Variants in MSI2 observed in about 807,000 individuals in gnomAD.
MSI2 encodes musashi RNA binding protein 2.
In MSI2, 17 loss-of-function variants were observed where a neutral mutation model predicts 45.6. That is an observed-to-expected ratio of 0.37 (90% CI 0.26 to 0.56). MSI2 has a LOEUF of 0.56. Among genes scored for constraint, MSI2 ranks in the 20% least tolerant of loss-of-function variants. The pLI, the probability that MSI2 is intolerant of heterozygous loss-of-function variation, is 0.77. For synonymous variants in MSI2, 156 were observed against 158.2 expected, an observed-to-expected ratio of 0.99 and a Z score of 0.11; for missense variants, 293 against 444.2, an observed-to-expected ratio of 0.66 and a Z score of 3.06.
chr17:57,345,454 T>G (rs1472431297), intron 5 of MSI2, among the ~76,000 whole-genome samples: 1 of 152,228 alleles, frequency 6.6e-6, no homozygotes, highest in East Asian at 1.9e-4. Context: ...TAAACAGATA[T>G]ATGTATATTT....
intron 10 of MSI2, chr17:57,629,993 G>T (rs191604676): frequency 1.1e-3 from 161 of 152,414 alleles, no homozygotes; most frequent in African/African-American, 3.7e-3. Context: ...CTCATCAGAG[G>T]GCCTGCCCCG....
downstream of MSI2, among the ~76,000 whole-genome samples, chr17:57,684,909 A>G (rs2144777399): frequency 2.0e-5 from 3 of 152,322 alleles, no homozygotes; most frequent in South Asian, 6.2e-4. Context: ...AAGATGGAAG[A>G]GCAGACGGGA....
At chr17:57,567,012 C>T (rs962273119) in intron 7 of MSI2, among the ~76,000 whole-genome samples, 3 of 152,146 alleles carry the variant, frequency 2.0e-5, no homozygotes, top group South Asian at 2.1e-4. Flanking sequence ...TGATGTTTCT[C>T]CAAGGATGCT....
chr17:57,587,474 T>A (rs1393733981), intron 7 of MSI2, among the ~76,000 whole-genome samples: 1 of 152,170 alleles, frequency 6.6e-6, no homozygotes, highest in Non-Finnish European at 1.5e-5. Flanking sequence ...TGCAGTTCCA[T>A]GGAACTAGAT....
intron 7 of MSI2, among the ~76,000 whole-genome samples, chr17:57,549,425 C>A (rs943982517): frequency 5.4e-5 from 8 of 149,226 alleles, no homozygotes; most frequent in African/African-American, 1.7e-4. Context: ...ATACTGTTTT[C>A]CTTCCATTTC....
At chr17:57,554,699 G>T (rs1598395876) in intron 7 of MSI2, among the ~76,000 whole-genome samples, 1 of 152,224 alleles carries the variant, frequency 6.6e-6, no homozygotes, top group African/African-American at 2.4e-5. Flanking sequence ...GGCTGACCCT[G>T]TGTGGTGTAG....
intron 6 of MSI2, among the ~76,000 whole-genome samples, chr17:57,526,626 GT>G (rs1310495917): frequency 6.6e-6 from 1 of 151,932 alleles, no homozygotes; most frequent in Non-Finnish European, 1.5e-5. Context: ...AATTCTTCTA[GT>G]TTCAGCTCTT....
At chr17:57,425,130 C>T (rs1013602434) in intron 6 of MSI2, among the ~76,000 whole-genome samples, 5 of 152,066 alleles carry the variant, frequency 3.3e-5, no homozygotes, top group Admixed American at 1.3e-4. Context: ...TAATCCTGCC[C>T]GGTATCCTGA....
In MSI2 at chr17:57,652,586, C is replaced by G. The variant is rs933315561; in HGVS notation, c.790+425C>G. ...GGCTGTCCCCTGGGACCCTGCTGCA[C>G]TGGTAGGTGGGCTTGCTGGTCTGGC... On this transcript the variant is annotated intron_variant, in intron 11 of 13. Coordinates refer to ENST00000284073, the MANE Select transcript of MSI2 (RefSeq NM_138962.4). This position sits in a 1 kb window ranked among gnomAD's most constrained non-coding sequence, Gnocchi z 4.1. 4.6e-5 allele frequency among the ~76,000 whole-genome samples: 7 copies of G among 152,212 alleles called. No individual in the cohort carries two copies. The highest frequency in any genetic ancestry group is 1.7e-4 in the African/African-American group (7 of 41,450).
intron 6 of MSI2, among the ~76,000 whole-genome samples, chr17:57,493,471 G>C (rs1663486113): frequency 6.6e-6 from 1 of 151,866 alleles, no homozygotes; most frequent in South Asian, 2.1e-4. Context: ...TGGCCATTTT[G>C]GTCCCAGTCA....
At chr17:57,419,732 A>G (rs1016185976) in intron 6 of MSI2, among the ~76,000 whole-genome samples, 2 of 152,214 alleles carry the variant, frequency 1.3e-5, no homozygotes, top group Middle Eastern at 3.4e-3. Context: ...TTGTGATGAG[A>G]ACAGGTTAGG....
chr17:57,514,653 T>C (rs975827348), intron 6 of MSI2, among the ~76,000 whole-genome samples: 1 of 146,114 alleles, frequency 6.8e-6, no homozygotes. Flanking sequence ...ATTGATACTT[T>C]TTTTTTTTTT....
the MSI2 span, among the ~76,000 whole-genome samples, chr17:57,695,729 A>G: frequency 6.6e-6 from 1 of 152,120 alleles, no homozygotes; most frequent in African/African-American, 2.4e-5. Flanking sequence ...TGTGGTTGCC[A>G]TAACAAAATA....
chr17:57,358,143 A>G (rs1171497281), intron 5 of MSI2, among the ~76,000 whole-genome samples: 1 of 152,146 alleles, frequency 6.6e-6, no homozygotes, highest in Non-Finnish European at 1.5e-5. Context: ...GCATCAGTGA[A>G]AAGTTGAGGG....
chr17:57,468,520 C>G (rs1371335716), intron 6 of MSI2, among the ~76,000 whole-genome samples: 1 of 104,386 alleles, frequency 9.6e-6, no homozygotes, highest in Non-Finnish European at 1.9e-5. Context: ...GACTCTATCT[C>G]AAAAAAAAAA....
At chr17:57,359,952 A>G (rs1916709333) in intron 5 of MSI2, among the ~76,000 whole-genome samples, 1 of 152,212 alleles carries the variant, frequency 6.6e-6, no homozygotes, top group African/African-American at 2.4e-5. Context: ...CAGGCAACTC[A>G]GGGAGCCTGG....
Position 57,483,797 on chromosome 17 carries a change from T to C in MSI2, c.406-45879T>C, listed in dbSNP as rs1331380808. ...GGATGAAGAAGCATTGCTGGGGTGA[T>C]GCTCACAGGAACCACAAGCCAATAG... On this transcript the variant is annotated intron_variant, in intron 6 of 13. Coordinates refer to ENST00000284073, the MANE Select transcript of MSI2 (RefSeq NM_138962.4). 7.4e-4 allele frequency among the ~76,000 whole-genome samples: 112 copies of C among 152,068 alleles called. 1 individual carries two copies. The highest frequency in any genetic ancestry group is 1.8e-4 in the Non-Finnish European group (12 of 67,996).
intron 10 of MSI2, among the ~76,000 whole-genome samples, chr17:57,634,555 C>G (rs1420801927): frequency 6.6e-6 from 1 of 151,866 alleles, no homozygotes; most frequent in Non-Finnish European, 1.5e-5. Context: ...GAAGGTGACA[C>G]CAGAACTGGG....
intron 6 of MSI2, among the ~76,000 whole-genome samples, chr17:57,490,037 C>T (rs1055609926): frequency 3.3e-5 from 5 of 152,082 alleles, no homozygotes; most frequent in Non-Finnish European, 7.4e-5. Context: ...CAAGAATATA[C>T]CTAATGGTAA....
Sources: gnomAD v4.1 joint callset for allele counts (sites outside exome capture counted in the v4.1 genomes callset) on GRCh38, gnomAD v4.1.1 for gene constraint, Gnocchi (gnomAD v3.1) non-coding constraint, MANE v1.5 for transcripts, NCBI Gene and HGNC (gene_info 2026-07-23, HGNC 2026-07-21) for gene names.